DNAH11: variants seen among roughly 807,000 people sequenced by gnomAD.
DNAH11 encodes axonemal beta dynein heavy chain 11.
Under a neutral mutation model 526.0 loss-of-function variants are expected in DNAH11, and 442 were observed. The observed-to-expected ratio is 0.84, with a 90% CI of 0.78 to 0.91. DNAH11 has a LOEUF of 0.91. Among genes scored for constraint, DNAH11 ranks in the 40% least tolerant of loss-of-function variants. The probability of loss-of-function intolerance (pLI) is 0.00; values close to 1 mark genes in which losing one functional copy is unlikely to be tolerated. For missense variants in DNAH11, 6,989 were observed against 5,448.7 expected, an observed-to-expected ratio of 1.28 and a Z score of -8.90; for synonymous variants, 2,461 against 1,935.9, an observed-to-expected ratio of 1.27 and a Z score of -7.12.
At chr7:21,652,926 G>A (rs1781848654) in intron 28 of DNAH11, among the ~76,000 whole-genome samples, 2 of 152,022 alleles carry the variant, frequency 1.3e-5, no homozygotes, top group African/African-American at 4.8e-5. Context: ...GCCCAGGCTG[G>A]AGTGCAGTGG....
chr7:21,833,855 C>T (rs1231228812), intron 65 of DNAH11, among the ~76,000 whole-genome samples: 1 of 152,096 alleles, frequency 6.6e-6, no homozygotes, highest in Non-Finnish European at 1.5e-5. Context: ...GAAACCCTCA[C>T]TCTTGAAATT....
chr7:21,815,363 C>T (rs988393653), intron 63 of DNAH11, among the ~76,000 whole-genome samples: 2 of 152,164 alleles, frequency 1.3e-5, no homozygotes, highest in African/African-American at 4.8e-5. Flanking sequence ...AAGACTTGTT[C>T]AATATCACTC....
At chr7:21,843,491 T>C (rs561152009) in intron 66 of DNAH11, among the ~76,000 whole-genome samples, 1 of 150,616 alleles carries the variant, frequency 6.6e-6, no homozygotes, top group Non-Finnish European at 1.5e-5. Flanking sequence ...TGTTTTTTTT[T>C]TTTTTTTGAG....
rs1786056604 is a variant in DNAH11 at position 21,744,515 on chromosome 7, T to G, written c.8232T>G (p.Arg2744=). Residue 2744 remains arginine (R), a synonymous_variant, in exon 50 of 82, where the codon CGT becomes CGG. Transcript: ENST00000409508. The stretch of plus-strand genomic sequence containing the variant: ...ATCTGTGGCTTCATGAATCTGCCCG[T>G]GTTTATGGAGACAAACTGATAGACA... ...LIHLWLHESA[R]VYGDKLIDKK... is the part of the protein sequence containing the mutation. The G allele has an allele frequency of 1.9e-6, 3 of 1,613,964 alleles. No individual in the cohort carries two copies. The highest frequency in any genetic ancestry group is 2.5e-6 in the Non-Finnish European group (3 of 1,179,836).
intron 28 of DNAH11, among the ~76,000 whole-genome samples, chr7:21,650,149 T>A (rs1941829520): frequency 6.6e-6 from 1 of 152,214 alleles, no homozygotes; most frequent in Admixed American, 6.5e-5. Flanking sequence ...ATTATACAAT[T>A]TATGCATGTA....
chr7:21,619,093 C>G lies in DNAH11; in HGVS notation c.4255-7C>G, dbSNP rs72657314. 320 of 1,612,668 alleles carry G rather than the reference C, an allele frequency of 2.0e-4. No individual in the cohort carries two copies. The African/African-American group carries it at 3.6e-3, about 18-fold the overall frequency. On this transcript the variant is annotated splice_region_variant and splice_polypyrimidine_tract_variant and intron_variant, in intron 23 of 81. Coordinates refer to ENST00000409508, the MANE Select transcript of DNAH11 (RefSeq NM_001277115.2). Reference sequence around the variant, plus strand: ...ATATAAAGTCTAACTTTTTTTCCCCCAATCAGGTCAAGTTTTTAATAAATG... The same window carrying G: ...ATATAAAGTCTAACTTTTTTTCCCCGAATCAGGTCAAGTTTTTAATAAATG...
At chr7:21,588,812 G>T (rs1784568110) in intron 11 of DNAH11, among the ~76,000 whole-genome samples, 176 bp downstream of exon 11, 1 of 152,146 alleles carries the variant, frequency 6.6e-6, no homozygotes, top group African/African-American at 2.4e-5. Context: ...TTTCTAATGG[G>T]ACTCTTAGAA....
At chr7:21,626,110 A>G (rs1045570548) in intron 25 of DNAH11, among the ~76,000 whole-genome samples, 2 of 152,166 alleles carry the variant, frequency 1.3e-5, no homozygotes, top group African/African-American at 4.8e-5. Flanking sequence ...AATACACAAT[A>G]GATTATTGTA....
chr7:21,691,016 T>G, intron 35 of DNAH11, 135 bp downstream of exon 35: 1 of 649,130 alleles, frequency 1.5e-6, no homozygotes, highest in South Asian at 2.0e-5. Context: ...GGGCTCCTTT[T>G]ATAGACAGAA....
intron 66 of DNAH11, among the ~76,000 whole-genome samples, chr7:21,846,458 G>A (rs1358444314): frequency 6.6e-6 from 1 of 151,974 alleles, no homozygotes; most frequent in Non-Finnish European, 1.5e-5. Flanking sequence ...TTTATCAAAT[G>A]TTTTTTCTGC....
chr7:21,680,259 T>G (rs1352740342), intron 30 of DNAH11, among the ~76,000 whole-genome samples: 1 of 152,338 alleles, frequency 6.6e-6, no homozygotes, highest in African/African-American at 2.4e-5. Flanking sequence ...TCTCTGGTGA[T>G]CTGTCATATT....
At chr7:21,556,320 A>G (rs1403936854) in intron 2 of DNAH11, among the ~76,000 whole-genome samples, 1 of 152,198 alleles carries the variant, frequency 6.6e-6, no homozygotes, top group Non-Finnish European at 1.5e-5. Context: ...CTATGCCTCA[A>G]AAATGGACCC....
At chr7:21,622,948 A>G (rs1444574098) in intron 25 of DNAH11, among the ~76,000 whole-genome samples, 1 of 152,198 alleles carries the variant, frequency 6.6e-6, no homozygotes, top group Admixed American at 6.5e-5. Flanking sequence ...CAATGGCAAC[A>G]AAAGCCAAAA....
At chr7:21,640,935 C>A (rs1787100996) in intron 28 of DNAH11, among the ~76,000 whole-genome samples, 1 of 152,140 alleles carries the variant, frequency 6.6e-6, no homozygotes, top group African/African-American at 2.4e-5. Flanking sequence ...ACCGCTCCTG[C>A]TTCCCTCACC....
At chr7:21,651,192 G>T (rs1434222629) in intron 28 of DNAH11, among the ~76,000 whole-genome samples, 2 of 152,078 alleles carry the variant, frequency 1.3e-5, no homozygotes, top group Non-Finnish European at 2.9e-5. Context: ...TGCTCACCAG[G>T]CAGGAGTGGC....
chr7:21,752,913 C>G (rs918678251), intron 54 of DNAH11, among the ~76,000 whole-genome samples: 1 of 152,042 alleles, frequency 6.6e-6, no homozygotes, highest in Admixed American at 6.6e-5. Flanking sequence ...GGGGTTTCAC[C>G]ATGTTGGCCA....
chr7:21,694,621 C>A (rs1783770025), intron 35 of DNAH11, among the ~76,000 whole-genome samples: 2 of 152,088 alleles, frequency 1.3e-5, no homozygotes, highest in Non-Finnish European at 2.9e-5. Context: ...TGGGTTGGTT[C>A]CAAGTCTTTG....
At chr7:21,811,325 GGGTGCCTGTAATCCA>G (rs1166795163) in intron 63 of DNAH11, among the ~76,000 whole-genome samples, 1 of 151,994 alleles carries the variant, frequency 6.6e-6, no homozygotes, top group Non-Finnish European at 1.5e-5. Flanking sequence ...GCGTGGTGGT[GGGTGCCTGTAATCCA>G]GGCTATTCAG....
intron 74 of DNAH11, among the ~76,000 whole-genome samples, chr7:21,874,438 C>T (rs796542898): frequency 1.2e-4 from 18 of 151,896 alleles, no homozygotes; most frequent in African/African-American, 4.3e-4. Flanking sequence ...CAGGTTGAAG[C>T]GATTCTCCTG....
Sources: gnomAD v4.1 joint callset for allele counts (sites outside exome capture counted in the v4.1 genomes callset) on GRCh38, gnomAD v4.1.1 for gene constraint, MANE v1.5 for transcripts, NCBI Gene and HGNC (gene_info 2026-07-23, HGNC 2026-07-21) for gene names.